ZNF410: variants seen among roughly 807,000 people sequenced by gnomAD.
The protein encoded by ZNF410 is another partner for ARF 1.
Under a neutral mutation model 54.8 loss-of-function variants are expected in ZNF410, and 18 were observed. That is an observed-to-expected ratio of 0.33 (90% CI 0.23 to 0.49). The LOEUF is 0.49. Among genes scored for constraint, ZNF410 ranks in the 20% least tolerant of loss-of-function variants. The pLI is 0.99. For missense variants in ZNF410, 405 were observed against 569.6 expected (o/e 0.71, Z 2.94); for synonymous variants, 191 against 207.3 (o/e 0.92, Z 0.68).
At chr14:73,910,502 G>A (rs953106173) in intron 8 of ZNF410, among the ~76,000 whole-genome samples, 5 of 152,130 alleles carry the variant, frequency 3.3e-5, no homozygotes, top group Admixed American at 2.0e-4. Flanking sequence ...CCAACACTTT[G>A]GGAGGCCGAG....
intron 11 of ZNF410, among the ~76,000 whole-genome samples, chr14:73,929,708 T>C (rs1207330812): frequency 3.3e-5 from 5 of 151,854 alleles, no homozygotes; most frequent in Non-Finnish European, 5.9e-5. Context: ...TCCTAGCTAC[T>C]TGGGAGGCTG....
At position 73,922,067 on chromosome 14, in the gene ZNF410, T is replaced by G. The variant is rs1229514371; in HGVS notation, c.1131T>G (p.Ala377=). The G allele has an allele frequency of 1.2e-6, 2 of 1,614,072 alleles. No homozygotes were observed. Among genetic ancestry groups the G allele is most frequent in the Non-Finnish European group, 8.5e-7 (1 of 1,179,942 alleles). ...AAGSQEQEQT[A]EPLMGSSLLE... ...TCTCACAACCTATTCTCTGTGCAGC[T>G]GAGCCACTAATGGGCAGTAGTTTGC... The change falls in exon 10 of 12, where the codon GCT becomes GCG. Residue 377 remains alanine, a splice_region_variant and synonymous_variant. Transcript: ENST00000555044.
rs184054499 is a variant in ZNF410, at chr14:73,910,598, A to T, written c.1003+1168A>T. On this transcript the variant is annotated intron_variant, in intron 8 of 11. Transcript: ENST00000555044. Reference sequence around the variant, plus strand: ...GCTGAGATTAGCCTACTAAAAAAATAAAAAATTATCCGGGCATGGTGGCAC... The same window carrying T: ...GCTGAGATTAGCCTACTAAAAAAATTAAAAATTATCCGGGCATGGTGGCAC... 2.5e-3 allele frequency among the ~76,000 whole-genome samples: 381 copies of T among 152,126 alleles called. 2 individuals are homozygous for T. The highest frequency in any genetic ancestry group is 8.7e-3 in the African/African-American group (363 of 41,490).
At chr14:73,921,929 G>A (rs2055761100) in intron 9 of ZNF410, 137 bp from the exon 10 acceptor site, 1 of 906,840 alleles carries the variant, frequency 1.1e-6, no homozygotes, top group Non-Finnish European at 1.7e-6. Flanking sequence ...CTCGAAAGTA[G>A]GTGAAATAGG....
chr14:73,889,529 A>T (rs915954834), intron 1 of ZNF410, among the ~76,000 whole-genome samples: 5 of 151,838 alleles, frequency 3.3e-5, no homozygotes, highest in African/African-American at 1.2e-4. Flanking sequence ...TCAAACCTAG[A>T]GAGATGTAAT....
intron 3 of ZNF410, among the ~76,000 whole-genome samples, chr14:73,895,816 G>C (rs2055308838): frequency 6.6e-6 from 1 of 152,094 alleles, no homozygotes; most frequent in African/African-American, 2.4e-5. Flanking sequence ...AAGTTAACCA[G>C]GTGTGGTGGC....
chr14:73,896,176 A>C (rs144914786), intron 3 of ZNF410, 140 bp from the exon 4 acceptor site: 2 of 652,248 alleles, frequency 3.1e-6, no homozygotes, highest in Non-Finnish European at 5.3e-6. Flanking sequence ...CTGTGAGACA[A>C]AGTTTTTATT....
At chr14:73,915,072 G>A (rs2055643237) in intron 8 of ZNF410, among the ~76,000 whole-genome samples, 1 of 150,058 alleles carries the variant, frequency 6.7e-6, no homozygotes, top group Non-Finnish European at 1.5e-5. Flanking sequence ...AGACCAGCCT[G>A]GCCAACGTGG....
At chr14:73,905,213 A>G (rs1277597265) in intron 7 of ZNF410, 130 bp downstream of exon 7, 2 of 940,078 alleles carry the variant, frequency 2.1e-6, no homozygotes, top group African/African-American at 3.3e-5. Flanking sequence ...TGAAGATGGG[A>G]TTTCTTTTTC....
intron 3 of ZNF410, chr14:73,894,386 G>C (rs2055278060): frequency 1.4e-6 from 1 of 701,676 alleles, no homozygotes; most frequent in East Asian, 2.7e-5. Flanking sequence ...GAAGAGGATG[G>C]AAAGTCAGGC....
chr14:73,929,814 A>T (rs1044423201), intron 11 of ZNF410, among the ~76,000 whole-genome samples: 1 of 125,122 alleles, frequency 8.0e-6, no homozygotes, highest in African/African-American at 3.4e-5. Context: ...CAAACTCTTT[A>T]AAAAAAAAAA....
At chr14:73,922,961 CAGA>C (rs1397472310) in intron 10 of ZNF410, 1 of 152,682 alleles carries the variant, frequency 6.5e-6, no homozygotes, top group East Asian at 1.9e-4. Context: ...AAACTATTTC[CAGA>C]AGATTTTCAT....
At chr14:73,924,409 G>A (rs187529421) in intron 11 of ZNF410, among the ~76,000 whole-genome samples, 4 of 152,286 alleles carry the variant, frequency 2.6e-5, no homozygotes, top group Non-Finnish European at 5.9e-5. Context: ...TGGCCTGGGG[G>A]TTGGTGACTT....
intron 8 of ZNF410, among the ~76,000 whole-genome samples, chr14:73,918,689 T>C (rs2055707082): frequency 2.0e-5 from 1 of 49,202 alleles, no homozygotes; most frequent in African/African-American, 5.4e-5. Context: ...ATATGGCCTT[T>C]TTTTTTTTTT....
chr14:73,909,484 A>C, intron 8 of ZNF410, 54 bp downstream of exon 8: 1 of 1,487,710 alleles, frequency 6.7e-7, no homozygotes, highest in Non-Finnish European at 9.3e-7. Context: ...AAAAGAATAA[A>C]AGGGTTGTGG....
At chr14:73,925,588 C>T (rs893048471) in intron 11 of ZNF410, among the ~76,000 whole-genome samples, 2 of 152,064 alleles carry the variant, frequency 1.3e-5, no homozygotes, top group East Asian at 3.9e-4. Context: ...CTACCAAACC[C>T]GGCTAATTTT....
intron 11 of ZNF410, among the ~76,000 whole-genome samples, chr14:73,927,593 G>A (rs932267962): frequency 1.5e-4 from 23 of 151,972 alleles, no homozygotes; most frequent in Admixed American, 9.8e-4. Context: ...AATTCTCCAC[G>A]TTACCCAAAT....
chr14:73,923,250 T>C (rs912630042), intron 10 of ZNF410, 145 bp from the exon 11 acceptor site: 12 of 907,876 alleles, frequency 1.3e-5, no homozygotes, highest in African/African-American at 1.7e-5. Context: ...ATAATGCTTA[T>C]CAGACAGGAT....
chr14:73,912,813 A>G (rs970663673), intron 8 of ZNF410, among the ~76,000 whole-genome samples: 2 of 150,762 alleles, frequency 1.3e-5, no homozygotes, highest in Admixed American at 6.6e-5. Flanking sequence ...TAGAAATACA[A>G]TTGAATTTTG....
Sources: allele counts gnomAD v4.1 joint callset (sites outside exome capture counted in the v4.1 genomes callset), GRCh38; gene constraint gnomAD v4.1.1; transcripts MANE v1.5; gene names NCBI Gene and HGNC (gene_info 2026-07-23, HGNC 2026-07-21).